DNAJC1: variants seen among roughly 807,000 people sequenced by gnomAD.
DNAJC1 encodes DnaJ heat shock protein family (Hsp40) member C1, also known as dnaJ homolog subfamily C member 1.
A neutral mutation model predicts 76.6 loss-of-function variants in DNAJC1; 58 were observed. The observed-to-expected ratio is 0.76, with a 90% CI of 0.61 to 0.94. DNAJC1 has a LOEUF of 0.94. DNAJC1 is among the 40% of genes least tolerant of loss of function. The pLI, the probability that DNAJC1 is intolerant of heterozygous loss-of-function variation, is 0.00. For synonymous variants in DNAJC1, 258 were observed against 267.9 expected, an observed-to-expected ratio of 0.96 and a Z score of 0.36; for missense variants, 689 against 677.3, an observed-to-expected ratio of 1.02 and a Z score of -0.19.
intron 8 of DNAJC1, among the ~76,000 whole-genome samples, chr10:21,807,005 C>A (rs949990150): frequency 6.6e-6 from 1 of 152,102 alleles, no homozygotes; most frequent in Non-Finnish European, 1.5e-5. Context: ...AACCACGTTA[C>A]AATTATTTCA....
At chr10:21,935,938 T>G (rs1837305160) in intron 1 of DNAJC1, among the ~76,000 whole-genome samples, 1 of 152,160 alleles carries the variant, frequency 6.6e-6, no homozygotes, top group Non-Finnish European at 1.5e-5. Context: ...ATATGCTTTA[T>G]AAGAAATGCT....
At chr10:21,833,343 C>T (rs925319629) in intron 8 of DNAJC1, among the ~76,000 whole-genome samples, 2 of 151,906 alleles carry the variant, frequency 1.3e-5, no homozygotes, top group Non-Finnish European at 2.9e-5. Flanking sequence ...TGGTGACGGG[C>T]GCCTGTAATC....
At chr10:21,878,440 C>G (rs1035526742) in intron 8 of DNAJC1, among the ~76,000 whole-genome samples, 1 of 151,416 alleles carries the variant, frequency 6.6e-6, no homozygotes, top group African/African-American at 2.4e-5. Context: ...AGTACTGCAT[C>G]TTTACATTTG....
chr10:21,957,734 T>C (rs1837714515), intron 1 of DNAJC1, among the ~76,000 whole-genome samples: 1 of 152,218 alleles, frequency 6.6e-6, no homozygotes, highest in African/African-American at 2.4e-5. Context: ...AATAAATAAA[T>C]ACATACATTC....
In DNAJC1 at chr10:21,798,145, C is replaced by T. The variant is rs531764142; in HGVS notation, c.1098+7835G>A. Among the ~76,000 whole-genome samples, 344 of 152,324 alleles carry T rather than the reference C, an allele frequency of 2.3e-3. 3 individuals are homozygous for T. The highest frequency in any genetic ancestry group is 7.9e-3 in the African/African-American group (327 of 41,570). Reference sequence around the variant, plus strand: ...GTTACAAGGTTACAAGTATACATTGCTAATTAACGTGCCTTTGTATACCAC... The same window carrying T: ...GTTACAAGGTTACAAGTATACATTGTTAATTAACGTGCCTTTGTATACCAC... On this transcript the variant is annotated intron_variant, in intron 9 of 11. Coordinates refer to ENST00000376980, the MANE Select transcript of DNAJC1 (RefSeq NM_022365.4).
chr10:21,876,396 G>A (rs1486878594), intron 8 of DNAJC1, among the ~76,000 whole-genome samples: 2 of 152,076 alleles, frequency 1.3e-5, no homozygotes, highest in Non-Finnish European at 2.9e-5. Context: ...ATAGGCATGA[G>A]CTACTGTGCC....
chr10:21,820,582 T>G (rs1484740109), intron 8 of DNAJC1, among the ~76,000 whole-genome samples: 1 of 152,168 alleles, frequency 6.6e-6, no homozygotes, highest in East Asian at 1.9e-4. Context: ...ACCACCTGGG[T>G]GTCTGCCAAT....
At chr10:21,811,986 T>C (rs926161683) in intron 8 of DNAJC1, among the ~76,000 whole-genome samples, 2 of 152,230 alleles carry the variant, frequency 1.3e-5, no homozygotes, top group African/African-American at 4.8e-5. Context: ...TCAGTTGTTT[T>C]AATTTTGACC....
intron 7 of DNAJC1, among the ~76,000 whole-genome samples, chr10:21,900,147 A>G (rs1836624442): frequency 6.6e-6 from 1 of 152,140 alleles, no homozygotes; most frequent in African/African-American, 2.4e-5. Flanking sequence ...GTTCGAGACC[A>G]GTCTGGACAA....
chr10:21,971,065 T>C (rs998846905), intron 1 of DNAJC1, among the ~76,000 whole-genome samples: 1 of 151,928 alleles, frequency 6.6e-6, no homozygotes, highest in Non-Finnish European at 1.5e-5. Context: ...TTTTTTTGGT[T>C]TCTAAACTTT....
intron 9 of DNAJC1, among the ~76,000 whole-genome samples, chr10:21,773,097 A>G (rs1171951822): frequency 6.6e-6 from 1 of 152,188 alleles, no homozygotes; most frequent in African/African-American, 2.4e-5. Context: ...TGGGGATTAC[A>G]GTTTAATATA....
chr10:21,855,038 ATTC>A (rs1396805016), intron 8 of DNAJC1, among the ~76,000 whole-genome samples: 1 of 152,182 alleles, frequency 6.6e-6, no homozygotes, highest in East Asian at 1.9e-4. Context: ...AGTTCCATTA[ATTC>A]TTCTAGAAAA....
At chr10:21,836,855 T>C (rs568233333) in intron 8 of DNAJC1, among the ~76,000 whole-genome samples, 1 of 152,164 alleles carries the variant, frequency 6.6e-6, no homozygotes, top group African/African-American at 2.4e-5. Flanking sequence ...ACAAAGAGAC[T>C]TAGACTCCCA....
intron 3 of DNAJC1, among the ~76,000 whole-genome samples, chr10:21,925,162 AC>A (rs1463346252): frequency 1.3e-5 from 2 of 151,946 alleles, no homozygotes; most frequent in African/African-American, 4.8e-5. Flanking sequence ...CAGGCATGCA[AC>A]ACTACACCCT....
chr10:21,866,387 C>T (rs1564811968), intron 8 of DNAJC1, among the ~76,000 whole-genome samples: 1 of 151,396 alleles, frequency 6.6e-6, no homozygotes, highest in Non-Finnish European at 1.5e-5. Context: ...CAAAAGAAAG[C>T]TCGATTAGTT....
chr10:21,988,221 C>A (rs1200248474), intron 1 of DNAJC1, among the ~76,000 whole-genome samples: 1 of 152,044 alleles, frequency 6.6e-6, no homozygotes, highest in African/African-American at 2.4e-5. Context: ...GTCACAAAAA[C>A]ACAGAGGACT....
chr10:21,855,862 A>G (rs965166050), intron 8 of DNAJC1, among the ~76,000 whole-genome samples: 3 of 150,768 alleles, frequency 2.0e-5, no homozygotes, highest in African/African-American at 7.3e-5. Context: ...GATAGGTTTC[A>G]AGTCATTTTG....
At chr10:21,887,783 C>T (rs754884685) in intron 7 of DNAJC1, among the ~76,000 whole-genome samples, 3 of 152,024 alleles carry the variant, frequency 2.0e-5, no homozygotes, top group Non-Finnish European at 4.4e-5. Flanking sequence ...CTATAAAAAA[C>T]CTGGAGGACA....
At chr10:21,894,749 G>C (rs1239112479) in intron 7 of DNAJC1, among the ~76,000 whole-genome samples, 1 of 152,178 alleles carries the variant, frequency 6.6e-6, no homozygotes, top group Non-Finnish European at 1.5e-5. Flanking sequence ...GGAGCCTTTG[G>C]AAAGTGATTA....
Sources: allele counts gnomAD v4.1 joint callset (sites outside exome capture counted in the v4.1 genomes callset), GRCh38; gene constraint gnomAD v4.1.1; transcripts MANE v1.5; gene names NCBI Gene and HGNC (gene_info 2026-07-23, HGNC 2026-07-21).